The following SUSD4 variants were observed in gnomAD, a reference collection of about 807,000 sequenced individuals.
The protein encoded by SUSD4 is sushi domain-containing protein 4.
A neutral mutation model predicts 50.5 loss-of-function variants in SUSD4; 41 were observed. That is an observed-to-expected ratio of 0.81 (90% CI 0.63 to 1.05). The LOEUF is 1.05. Ranked by LOEUF, SUSD4 falls within the 50% of genes least tolerant of loss-of-function variation. The pLI, the probability that SUSD4 is intolerant of heterozygous loss-of-function variation, is 0.00. For missense variants in SUSD4, 580 were observed against 634.7 expected, an observed-to-expected ratio of 0.91 and a Z score of 0.93; for synonymous variants, 257 against 257.3, an observed-to-expected ratio of 1.00 and a Z score of 0.01.
chr1:223,232,995 C>G (rs1410194144), intron 5 of SUSD4, among the ~76,000 whole-genome samples: 1 of 152,168 alleles, frequency 6.6e-6, no homozygotes, highest in Non-Finnish European at 1.5e-5. Context: ...CACTGGTGTC[C>G]AAACTTGCTG....
chr1:223,308,481 T>C (rs534236640), intron 2 of SUSD4, among the ~76,000 whole-genome samples: 9 of 152,286 alleles, frequency 5.9e-5, no homozygotes, highest in African/African-American at 1.9e-4. Context: ...CGTAAGCTAA[T>C]AAAACCTCTT....
intron 5 of SUSD4, chr1:223,230,724 A>G (rs1282924182): frequency 6.6e-6 from 1 of 152,268 alleles, no homozygotes. Context: ...GGAAACTCAC[A>G]GAAGCAACTA....
intron 5 of SUSD4, among the ~76,000 whole-genome samples, chr1:223,251,885 C>T (rs1042633413): frequency 2.0e-5 from 3 of 151,998 alleles, no homozygotes; most frequent in African/African-American, 4.8e-5. Flanking sequence ...TAAAAGTGTT[C>T]CTATTTCTCC....
In SUSD4 at chr1:223,229,180, G is replaced by A; in HGVS notation, c.916+17C>T. 6.3e-7 allele frequency: 1 copy of A among 1,586,540 alleles called. No individual in the cohort carries two copies. Among genetic ancestry groups the A allele is most frequent in the Non-Finnish European group, 8.6e-7 (1 of 1,157,680 alleles). On this transcript the variant is annotated intron_variant, in intron 6 of 8. Transcript: ENST00000366878. The surrounding 1 kb of genome is among the most constrained non-coding windows in gnomAD (Gnocchi z 4.7). ...AGGAGGGTCCATCTCCTCCAAGGGT[G>A]AGGCCTTCAGTCTTACCTGATTTGA...
chr1:223,326,682 C>T (rs1275292439), intron 2 of SUSD4, among the ~76,000 whole-genome samples: 1 of 151,870 alleles, frequency 6.6e-6, no homozygotes, highest in African/African-American at 2.4e-5. Context: ...AAAAAGTGGG[C>T]AAAGGAAATG....
intron 2 of SUSD4, among the ~76,000 whole-genome samples, chr1:223,310,708 C>T (rs931385183): frequency 1.3e-5 from 2 of 152,146 alleles, no homozygotes; most frequent in African/African-American, 2.4e-5. Context: ...CAATTTTCTA[C>T]AATGAACATT....
rs1667222510 is a variant in SUSD4, at chr1:223,332,359, G to A, written c.148+30919C>T. On this transcript the variant is annotated intron_variant, in intron 2 of 8. Transcript: ENST00000366878. This position sits in a 1 kb window ranked among gnomAD's most constrained non-coding sequence, Gnocchi z 4.0. ...AAATGGCATATCTATATTCAGACACGGTACCTGAATTTCCAACAAGCATCA... is the reference window on the plus strand; with the variant it reads ...AAATGGCATATCTATATTCAGACACAGTACCTGAATTTCCAACAAGCATCA... Among the ~76,000 whole-genome samples, 1 of 152,034 alleles carries A rather than the reference G, an allele frequency of 6.6e-6. No homozygotes were observed. The highest frequency in any genetic ancestry group is 2.4e-5 in the African/African-American group (1 of 41,372).
intron 3 of SUSD4, among the ~76,000 whole-genome samples, chr1:223,271,786 T>C (rs1324643817): frequency 2.6e-5 from 4 of 152,226 alleles, no homozygotes; most frequent in East Asian, 3.8e-4. Context: ...GTGAGTTCTC[T>C]GTAGTAGTGA....
At chr1:223,244,790 G>T (rs944088907) in intron 5 of SUSD4, among the ~76,000 whole-genome samples, 29 of 152,176 alleles carry the variant, frequency 1.9e-4, no homozygotes, top group Admixed American at 1.8e-3. Flanking sequence ...AGAGGTGGAA[G>T]AAATTACTCA....
At chr1:223,261,706 G>A (rs1662135138) in intron 5 of SUSD4, among the ~76,000 whole-genome samples, 1 of 152,168 alleles carries the variant, frequency 6.6e-6, no homozygotes, top group Non-Finnish European at 1.5e-5. Context: ...CCAAAATTGT[G>A]TCACAGTGTA....
intron 4 of SUSD4, among the ~76,000 whole-genome samples, chr1:223,265,705 G>A (rs1277492023): frequency 6.6e-6 from 1 of 152,230 alleles, no homozygotes; most frequent in Non-Finnish European, 1.5e-5. Flanking sequence ...AGCCTGTGCA[G>A]CCAGTAGAAC....
chr1:223,353,420 C>T (rs1668476894), intron 2 of SUSD4, among the ~76,000 whole-genome samples: 1 of 152,194 alleles, frequency 6.6e-6, no homozygotes, highest in Non-Finnish European at 1.5e-5. Context: ...GCCTCTGACA[C>T]TGCCTCCTGT....
chr1:223,252,365 A>T (rs1661393170), intron 5 of SUSD4, among the ~76,000 whole-genome samples: 1 of 151,910 alleles, frequency 6.6e-6, no homozygotes, highest in African/African-American at 2.4e-5. Context: ...AAGCGGCGAC[A>T]AGCCATCGAA....
In SUSD4 at chr1:223,227,744, T is replaced by C. The variant is rs370684079; in HGVS notation, c.917-6A>G. 3.0e-5 allele frequency: 49 copies of C among 1,608,412 alleles called. No individual in the cohort carries two copies. Among genetic ancestry groups the C allele is most frequent in the Non-Finnish European group, 3.9e-5 (46 of 1,177,042 alleles). ...GGTGCTGGGCCACGTTTGCTCTGCATGAGGGAGAACAAAGCTGTACGTGAG... is the reference window on the plus strand; with the variant it reads ...GGTGCTGGGCCACGTTTGCTCTGCACGAGGGAGAACAAAGCTGTACGTGAG... On this transcript the variant is annotated splice_polypyrimidine_tract_variant and splice_region_variant and intron_variant, in intron 6 of 8. Transcript: ENST00000366878. The surrounding 1 kb of genome is among the most constrained non-coding windows in gnomAD (Gnocchi z 4.5).
chr1:223,331,572 C>T (rs1005388286), intron 2 of SUSD4, among the ~76,000 whole-genome samples: 4 of 152,166 alleles, frequency 2.6e-5, no homozygotes, highest in African/African-American at 9.7e-5. Flanking sequence ...ACTTAAAAGC[C>T]CTTGGTTGAT....
intron 6 of SUSD4, among the ~76,000 whole-genome samples, chr1:223,228,504 G>A (rs769475455): frequency 2.6e-5 from 4 of 152,182 alleles, no homozygotes; most frequent in Non-Finnish European, 5.9e-5. Context: ...GAGAGAGTGG[G>A]AAGGAGACAG....
intron 2 of SUSD4, among the ~76,000 whole-genome samples, chr1:223,350,706 T>C (rs1266836007): frequency 6.6e-6 from 1 of 152,222 alleles, no homozygotes; most frequent in Non-Finnish European, 1.5e-5. Flanking sequence ...CTAATCAAGC[T>C]ATGAGTACTC....
rs572235325 is a variant in SUSD4 at position 223,225,121 on chromosome 1, C to G, written c.1062-1490G>C. The stretch of plus-strand genomic sequence containing the variant: ...CTGACCTCAGGTGATCCACCTGCCT[C>G]AGACTCCTAGAGTGCTGGGATTACA... On this transcript the variant is annotated intron_variant, in intron 7 of 8. Coordinates refer to ENST00000366878, the MANE Select transcript of SUSD4 (RefSeq NM_017982.4). 2.2e-3 allele frequency among the ~76,000 whole-genome samples: 335 copies of G among 152,124 alleles called. 3 individuals carry two copies. The highest frequency in any genetic ancestry group is 7.7e-3 in the African/African-American group (321 of 41,506).
intron 2 of SUSD4, among the ~76,000 whole-genome samples, chr1:223,305,718 T>C (rs1772270): frequency 0.14 from 21,469 of 152,184 alleles, 1,788 homozygotes; most frequent in South Asian, 0.23. Context: ...TTCTGCCATA[T>C]AGCACGATAT....
Sources: allele counts gnomAD v4.1 joint callset (sites outside exome capture counted in the v4.1 genomes callset), GRCh38; gene constraint gnomAD v4.1.1; non-coding constraint Gnocchi (gnomAD v3.1); transcripts MANE v1.5; gene names NCBI Gene and HGNC (gene_info 2026-07-23, HGNC 2026-07-21).